Variants in MITD1 observed in about 807,000 individuals in gnomAD.
MITD1 encodes MIT domain-containing protein 1.
Under a neutral mutation model 34.9 loss-of-function variants are expected in MITD1, and 24 were observed. That is an observed-to-expected ratio of 0.69 (90% confidence interval 0.50 to 0.97). The LOEUF (loss-of-function observed/expected upper bound fraction) is 0.97, where lower values mean the gene tolerates loss of function less well. Among genes scored for constraint, MITD1 ranks in the 50% least tolerant of loss-of-function variants. The pLI, the probability that MITD1 is intolerant of heterozygous loss-of-function variation, is 0.00. For missense variants in MITD1, 266 were observed against 294.6 expected (o/e 0.90, Z 0.71); for synonymous variants, 102 against 101.4 (o/e 1.01, Z -0.04).
At chr2:99,173,016 A>T (rs1194654101) in intron 2 of MITD1, 2 of 152,508 alleles carry the variant, frequency 1.3e-5, no homozygotes, top group African/African-American at 4.8e-5. Context: ...TTTTTAAGCC[A>T]AGATAGCCGT....
chr2:99,179,999 G>A (rs1302259124), intron 1 of MITD1, among the ~76,000 whole-genome samples: 2 of 152,180 alleles, frequency 1.3e-5, no homozygotes, highest in Non-Finnish European at 2.9e-5. Flanking sequence ...GACCGGGAGT[G>A]TCGGGGGTTG....
chr2:99,161,887 ATAGT>A, downstream of MITD1: 1 of 1,335,502 alleles, frequency 7.5e-7, no homozygotes. Context: ...CCGATAATTG[ATAGT>A]TAGAAAATAG....
Position 99,174,004 on chromosome 2 carries a change from T to G in MITD1, c.164A>C (p.Asn55Thr), listed in dbSNP as rs748475425. The part of the protein sequence containing the change: ...LLQVLKGTKD[N>T]TKRCNLREKI... Reference sequence around the variant, plus strand: ...TTCTCTGAGATTACATCTCTTAGTATTATCTTTGGTACCTACAAATTTAAA... The same window carrying G: ...TTCTCTGAGATTACATCTCTTAGTAGTATCTTTGGTACCTACAAATTTAAA... Residue 55 changes from asparagine to threonine, a missense_variant, in exon 2 of 7, where the codon AAT (asparagine) becomes ACT (threonine). Coordinates refer to ENST00000289359, the MANE Select transcript of MITD1 (RefSeq NM_138798.3). The G allele has an allele frequency of 2.0e-6, 3 of 1,507,616 alleles. No homozygotes were observed. The Admixed American group carries it at 5.2e-5, about 26-fold the overall frequency. The allele number at this position is 1,507,616 out of a possible 1,614,324, so 93.4% of individuals were successfully genotyped here. A position where few individuals can be genotyped will look rare whatever the true frequency, so the allele number is the denominator to read the frequency against.
At chr2:99,172,443 C>T (rs913179517) in intron 2 of MITD1, 3 of 151,382 alleles carry the variant, frequency 2.0e-5, no homozygotes, top group Admixed American at 2.0e-4. Context: ...TTTCTTGGCA[C>T]GTGTACAGTT....
In MITD1 at chr2:99,170,650, G is replaced by A; in HGVS notation, c.480C>T (p.Gly160=). ...CTCTACTTTGCTGCACTTGCTCAAT[G>A]CCCTGTTAATAGCAAAAATACGATT... ...TIHLLTSLDE[G]IEQVQQSRGL... is the part of the protein sequence containing the mutation. Residue 160 remains glycine (G), a splice_region_variant and synonymous_variant, in exon 5 of 7, where the codon GGC becomes GGT. Coordinates refer to ENST00000289359, the MANE Select transcript of MITD1 (RefSeq NM_138798.3). The A allele has an allele frequency of 2.0e-6, 3 of 1,526,788 alleles. No individual in the cohort carries two copies. Among genetic ancestry groups the A allele is most frequent in the Non-Finnish European group, 1.8e-6 (2 of 1,102,976 alleles). The allele number at this position is 1,526,788 out of a possible 1,614,324, so 94.6% of individuals were successfully genotyped here. A position where few individuals can be genotyped will look rare whatever the true frequency, so the allele number is the denominator to read the frequency against.
At chr2:99,162,178 T>C in exon 8 of MITD1, 1 of 1,614,108 alleles carries the variant, frequency 6.2e-7, no homozygotes. Context: ...TCTGTTGTAA[T>C]TGGTAGGCAT....
At chr2:99,175,787 T>A (rs1013544139) in intron 1 of MITD1, among the ~76,000 whole-genome samples, 1 of 152,228 alleles carries the variant, frequency 6.6e-6, no homozygotes, top group Non-Finnish European at 1.5e-5. Context: ...TCAGGGATAT[T>A]TATTTTACTC....
rs761530499 is a variant in MITD1, at chr2:99,180,899, T to C, written c.83A>G (p.Glu28Gly). ...CACCAGAGCCTGCGGATACCGCGAC[T>C]CCGAATCTAGTTCTACTGCCCGCTT... ...VLKRAVELDS[E>G]SRYPQALVCY... Residue 28 changes from glutamate to glycine, a missense_variant, in exon 1 of 7, where the codon GAG (glutamate) becomes GGG (glycine). Glu to Gly is a moderately conservative substitution (Grantham distance 98). Transcript: ENST00000289359. 6.2e-7 allele frequency: 1 copy of C among 1,614,098 alleles called. No homozygotes were observed. The highest frequency in any genetic ancestry group is 8.5e-7 in the Non-Finnish European group (1 of 1,180,052).
chr2:99,180,693 A>C, intron 1 of MITD1, 138 bp downstream of exon 1: 1 of 760,062 alleles, frequency 1.3e-6, no homozygotes, highest in South Asian at 1.7e-5. Context: ...CAGTTGTCCT[A>C]TAGAATATCC....
downstream of MITD1, among the ~76,000 whole-genome samples, chr2:99,168,050 G>A (rs1324530902): frequency 6.6e-6 from 1 of 152,162 alleles, no homozygotes; most frequent in Non-Finnish European, 1.5e-5. Flanking sequence ...ATAGTCCTCA[G>A]ATGTGACATT....
chr2:99,177,460 G>A lies in MITD1; in HGVS notation c.151+3371C>T, dbSNP rs187392683. Among the ~76,000 whole-genome samples, 6 of 152,116 alleles carry A rather than the reference G, an allele frequency of 3.9e-5. No homozygotes were observed. The East Asian group carries it at 7.7e-4, about 20-fold the overall frequency. On this transcript the variant is annotated intron_variant, in intron 1 of 6. Coordinates refer to ENST00000289359, the MANE Select transcript of MITD1 (RefSeq NM_138798.3). ...ACATAATAATTATACATATTAATGG[G>A]GTACAATGTGATGTTTTGATACATG...
chr2:99,180,432 T>TGG (rs2093911255), intron 1 of MITD1, among the ~76,000 whole-genome samples: 1 of 152,114 alleles, frequency 6.6e-6, no homozygotes, highest in Non-Finnish European at 1.5e-5. Flanking sequence ...TCTCTAAAAA[T>TGG]TAAGGAAAGT....
downstream of MITD1, among the ~76,000 whole-genome samples, chr2:99,168,845 T>TCTCAGCTCACTGCAGC (rs1229214306): frequency 1.3e-5 from 2 of 151,526 alleles, no homozygotes; most frequent in Non-Finnish European, 2.9e-5. Flanking sequence ...AGTGGTGCAG[T>TCTCAGCTCACTGCAGC]CTCAGCTCAC....
chr2:99,178,272 T>G (rs919850546), intron 1 of MITD1: 6 of 152,232 alleles, frequency 3.9e-5, no homozygotes, highest in African/African-American at 1.4e-4. Context: ...TACTGTTTTC[T>G]ATAATGGCTA....
Position 99,169,325 on chromosome 2 carries a change from A to C in MITD1, c.*50T>G, listed in dbSNP as rs764234641. 7.7e-6 allele frequency: 7 copies of C among 912,378 alleles called. No individual in the cohort carries two copies. In the South Asian group the frequency reaches 1.1e-4, roughly 14 times the overall value. 56.5% of individuals were successfully genotyped at this position (912,378 alleles called of 1,614,324 possible). A position where few individuals can be genotyped will look rare whatever the true frequency, so the allele number is the denominator to read the frequency against. ...ATTATAAAAGTGATCTTTTAAAAAA[A>C]ATCCAATATTCACTTAAAGTAGACA... On this transcript the variant is annotated 3_prime_UTR_variant, in exon 7 of 7. Transcript: ENST00000289359.
rs774020879 is a variant in MITD1, at chr2:99,171,332, C to T, written c.477+11G>A. 3.0e-5 allele frequency: 47 copies of T among 1,591,942 alleles called. No homozygotes were observed. The highest frequency in any genetic ancestry group is 3.4e-5 in the Non-Finnish European group (39 of 1,162,086). On this transcript the variant is annotated intron_variant, in intron 4 of 6. Transcript: ENST00000289359. ...GTTAATAAGAAAGAGTAAGTGCTTTCAGGTACCTACTTCATCCAGAGAGGT... is the reference window on the plus strand; with the variant it reads ...GTTAATAAGAAAGAGTAAGTGCTTTTAGGTACCTACTTCATCCAGAGAGGT...
intron 7 of MITD1, chr2:99,163,085 A>C: frequency 1.3e-6 from 2 of 1,519,076 alleles, no homozygotes. Flanking sequence ...TGTGATTCCA[A>C]GTAAATGTCT....
In MITD1 at chr2:99,169,364, G is replaced by T. The variant is rs754456213; in HGVS notation, c.*11C>A. 1.7e-5 allele frequency: 23 copies of T among 1,332,478 alleles called. No homozygotes were observed. Among genetic ancestry groups the T allele is most frequent in the Non-Finnish European group, 2.2e-5 (21 of 936,624 alleles). The allele number at this position is 1,332,478 out of a possible 1,614,324, so 82.5% of individuals were successfully genotyped here. A position where few individuals can be genotyped will look rare whatever the true frequency, so the allele number is the denominator to read the frequency against. On this transcript the variant is annotated 3_prime_UTR_variant, in exon 7 of 7. Transcript: ENST00000289359. ...TTAAAGTAGACATAATACAAATTAGGCTACCACCCATCATATATTTTTTGT... is the reference window on the plus strand; with the variant it reads ...TTAAAGTAGACATAATACAAATTAGTCTACCACCCATCATATATTTTTTGT...
At chr2:99,162,538 A>G in intron 7 of MITD1, 1 of 1,614,196 alleles carries the variant, frequency 6.2e-7, no homozygotes, top group East Asian at 2.2e-5. Context: ...TCTTTGCTAA[A>G]GAGCCCTTAC....
Sources: gnomAD v4.1 joint callset for allele counts (sites outside exome capture counted in the v4.1 genomes callset) on GRCh38, gnomAD v4.1.1 for gene constraint, MANE v1.5 for transcripts, NCBI Gene and HGNC (gene_info 2026-07-23, HGNC 2026-07-21) for gene names.